Variants in SYTL3 observed in about 807,000 individuals in gnomAD.
The protein encoded by SYTL3 is synaptotagmin like 3.
SYTL3 carries 88 observed loss-of-function variants against 82.1 expected under a neutral mutation model. That is an observed-to-expected ratio of 1.07 (90% CI 0.90 to 1.28). SYTL3 has a LOEUF of 1.28. Among genes scored for constraint, SYTL3 ranks in the 50% most tolerant of loss-of-function variants. SYTL3 has a pLI of 0.00. For synonymous variants in SYTL3, 311 were observed against 289.4 expected, an observed-to-expected ratio of 1.07 and a Z score of -0.76; for missense variants, 831 against 757.6, an observed-to-expected ratio of 1.10 and a Z score of -1.14.
At position 158,762,164 on chromosome 6, in the gene SYTL3, C is replaced by A. The variant is rs1345805799; in HGVS notation, c.1503C>A (p.Asn501Lys). 6.2e-7 allele frequency: 1 copy of A among 1,612,856 alleles called. No homozygotes were observed. The highest frequency in any genetic ancestry group is 1.1e-5 in the South Asian group (1 of 91,020). ...CTGTGCGGCCAGATGGCACCTTGAA[C>A]TCATTTGTTAAGGGGTAGGTATTCG... ...NLPVRPDGTL[N>K]SFVKGCLTLP... The change falls in exon 16 of 18, where the codon AAC (asparagine) becomes AAA (lysine). Residue 501 changes from asparagine to lysine, a missense_variant. Transcript: ENST00000611299.
upstream of SYTL3, chr6:158,649,959 C>G (rs1183706713): frequency 3.3e-5 from 5 of 152,118 alleles, no homozygotes; most frequent in African/African-American, 1.2e-4. Context: ...ACAGGGTGCA[C>G]TGCGTCAGCC....
Position 158,753,761 on chromosome 6 carries a change from TG to T in SYTL3, c.1137+1733del, listed in dbSNP as rs1427006040. ...AAAAAAAAAAATGTAGTTATATAAT[TG>T]GAGTTAAAAGGTTACCTACCTTAAA... is the stretch of plus-strand genomic sequence containing the variant. On this transcript the variant is annotated intron_variant, in intron 13 of 17. Coordinates refer to ENST00000611299, the MANE Select transcript of SYTL3 (RefSeq NM_001242394.2). Among the ~76,000 whole-genome samples the T allele has an allele frequency of 2.0e-5, 3 of 150,906 alleles. No homozygotes were observed. The East Asian group carries it at 5.8e-4, about 29-fold the overall frequency.
At chr6:158,746,492 G>T (rs184849715) in intron 12 of SYTL3, among the ~76,000 whole-genome samples, 3 of 101,462 alleles carry the variant, frequency 3.0e-5, no homozygotes. Context: ...TTGAGGTGGA[G>T]TCTTGCTCTG....
chr6:158,671,680 A>G (rs1777394590), intron 5 of SYTL3, among the ~76,000 whole-genome samples: 1 of 151,652 alleles, frequency 6.6e-6, no homozygotes, highest in African/African-American at 2.4e-5. Flanking sequence ...AGGCAGGAGA[A>G]TCTCTGGAAC....
intron 10 of SYTL3, among the ~76,000 whole-genome samples, chr6:158,723,832 A>C (rs1020307974): frequency 6.6e-6 from 1 of 152,120 alleles, no homozygotes; most frequent in Non-Finnish European, 1.5e-5. Flanking sequence ...CCTCCGCTGT[A>C]GCTTTGATTG....
chr6:158,710,140 G>A (rs1464324889), intron 8 of SYTL3, among the ~76,000 whole-genome samples: 4 of 152,184 alleles, frequency 2.6e-5, no homozygotes, highest in Admixed American at 6.5e-5. Context: ...TAAACACTCA[G>A]ATATACTAAT....
intron 10 of SYTL3, among the ~76,000 whole-genome samples, chr6:158,721,572 TATG>T (rs1784114230): frequency 6.6e-6 from 1 of 151,996 alleles, no homozygotes; most frequent in African/African-American, 2.4e-5. Flanking sequence ...GCAATGATAG[TATG>T]ATCTATAAAT....
At chr6:158,750,415 A>G (rs3102986) in intron 12 of SYTL3, among the ~76,000 whole-genome samples, 69,260 of 151,970 alleles carry the variant, frequency 0.46, 16,506 homozygotes, top group African/African-American at 0.53. Flanking sequence ...TATATTTTAT[A>G]TATTCTGTTT....
intron 13 of SYTL3, among the ~76,000 whole-genome samples, chr6:158,752,609 C>T (rs543426886): frequency 7.3e-4 from 111 of 152,232 alleles, no homozygotes; most frequent in Non-Finnish European, 1.4e-3. Flanking sequence ...GCTCTGATGT[C>T]GGGTGGAAGG....
At chr6:158,684,373 A>G (rs1030447474) in intron 6 of SYTL3, among the ~76,000 whole-genome samples, 3 of 152,112 alleles carry the variant, frequency 2.0e-5, no homozygotes, top group Non-Finnish European at 4.4e-5. Flanking sequence ...AAGTATTTGC[A>G]ATGTATGTTG....
At position 158,725,954 on chromosome 6, in the gene SYTL3, C is replaced by T. The variant is rs536876184; in HGVS notation, c.855+317C>T. 511 of 669,928 alleles carry T rather than the reference C, an allele frequency of 7.6e-4. 7 individuals carry two copies. Among genetic ancestry groups the T allele is most frequent in the South Asian group, 6.4e-3 (457 of 71,674 alleles). 41.5% of individuals were successfully genotyped at this position (669,928 alleles called of 1,614,324 possible). A position where few individuals can be genotyped will look rare whatever the true frequency, so the allele number is the denominator to read the frequency against. ...CGCGTAAACAGATAGGGCAGGAGGG[C>T]GCCGGTCAGCTTCTTCCAAGTGGTT... On this transcript the variant is annotated intron_variant, in intron 11 of 17. Coordinates refer to ENST00000611299, the MANE Select transcript of SYTL3 (RefSeq NM_001242394.2).
In SYTL3 at chr6:158,656,892, G is replaced by T. The variant is rs569223922; in HGVS notation, c.-636-4377G>T. Among the ~76,000 whole-genome samples, 5 of 152,214 alleles carry T rather than the reference G, an allele frequency of 3.3e-5. No individual in the cohort carries two copies. The South Asian group carries it at 1.0e-3, about 32-fold the overall frequency. ...ACTACCTCATGTTCTACTTCAAAAT[G>T]GCACAAAACCAAAAGCATTCAAGAG... On this transcript the variant is annotated intron_variant, in intron 2 of 17. Transcript: ENST00000611299.
chr6:158,682,219 G>A (rs1023849109), intron 5 of SYTL3, among the ~76,000 whole-genome samples: 10 of 151,836 alleles, frequency 6.6e-5, no homozygotes, highest in South Asian at 6.2e-4. Context: ...GATTACAGGC[G>A]TGAGCCACCG....
At chr6:158,682,297 A>T (rs573889115) in intron 5 of SYTL3, among the ~76,000 whole-genome samples, 146 of 151,830 alleles carry the variant, frequency 9.6e-4, no homozygotes, top group Non-Finnish European at 1.7e-3. Context: ...TTGTTCACAA[A>T]ATATTAAGTA....
In SYTL3 at chr6:158,732,007, C is replaced by A. The variant is rs112810333; in HGVS notation, c.855+6370C>A. 1.9e-3 allele frequency among the ~76,000 whole-genome samples: 294 copies of A among 152,296 alleles called. 1 individual carries two copies. The highest frequency in any genetic ancestry group is 6.8e-3 in the African/African-American group (282 of 41,558). On this transcript the variant is annotated intron_variant, in intron 11 of 17. Coordinates refer to ENST00000611299, the MANE Select transcript of SYTL3 (RefSeq NM_001242394.2). ...TACTACTTCAGAAAAATATCTCTGT[C>A]CCTCTTGGACTTCCTCAAATTAGGA...
upstream of SYTL3, among the ~76,000 whole-genome samples, chr6:158,647,980 A>G (rs1008637675): frequency 6.6e-6 from 1 of 152,212 alleles, no homozygotes; most frequent in Admixed American, 6.5e-5. Context: ...GAACTGTCAC[A>G]TCAATAAATA....
intron 6 of SYTL3, among the ~76,000 whole-genome samples, chr6:158,692,857 A>G (rs1780057034): frequency 6.6e-6 from 1 of 151,762 alleles, no homozygotes; most frequent in African/African-American, 2.4e-5. Context: ...AGGCTGAGGC[A>G]GGAGAATGGC....
chr6:158,655,919 G>T (rs767054334), intron 2 of SYTL3, among the ~76,000 whole-genome samples: 19 of 152,194 alleles, frequency 1.2e-4, no homozygotes, highest in Non-Finnish European at 2.6e-4. Context: ...TGGGCAGAAG[G>T]AAGAGTGGGG....
chr6:158,677,300 T>A (rs1204045542), intron 5 of SYTL3, among the ~76,000 whole-genome samples: 5 of 151,640 alleles, frequency 3.3e-5, no homozygotes, highest in Non-Finnish European at 5.9e-5. Context: ...GCAAACTATC[T>A]CAAGGACAAA....
Sources: gnomAD v4.1 joint callset for allele counts (sites outside exome capture counted in the v4.1 genomes callset) on GRCh38, gnomAD v4.1.1 for gene constraint, MANE v1.5 for transcripts, NCBI Gene and HGNC (gene_info 2026-07-23, HGNC 2026-07-21) for gene names.